The following TUB variants were observed in gnomAD, a reference collection of about 807,000 sequenced individuals.
The protein encoded by TUB is tubby protein homolog.
A neutral mutation model predicts 59.7 loss-of-function variants in TUB; 33 were observed. That is an observed-to-expected ratio of 0.55 (90% CI 0.42 to 0.74). The LOEUF is 0.74. TUB is among the 30% of genes least tolerant of loss of function. The pLI, the probability that TUB is intolerant of heterozygous loss-of-function variation, is 0.00. For missense variants in TUB, 659 were observed against 672.0 expected (o/e 0.98, Z 0.21); for synonymous variants, 293 against 256.4 (o/e 1.14, Z -1.36).
At position 8,097,255 on chromosome 11, in the gene TUB, G is replaced by T; in HGVS notation, c.715G>T (p.Ala239Ser). The T allele has an allele frequency of 6.2e-7, 1 of 1,614,166 alleles. No individual in the cohort carries two copies. The highest frequency in any genetic ancestry group is 8.5e-7 in the Non-Finnish European group (1 of 1,180,032). The change falls in exon 7 of 12, where the codon GCT becomes TCT. Residue 239 changes from alanine (A) to serine (S), a missense_variant. Coordinates refer to ENST00000299506, the MANE Select transcript of TUB (RefSeq NM_177972.3). ...GGCAGCCTCAGCCCCTAGCCCAACAGCTCCAGAGCAACCAGTGGACGTTGA... is the reference window on the plus strand; with the variant it reads ...GGCAGCCTCAGCCCCTAGCCCAACATCTCCAGAGCAACCAGTGGACGTTGA... ...REAASAPSPT[A>S]PEQPVDVEVQ... is the part of the protein sequence containing the mutation.
intron 2 of TUB, among the ~76,000 whole-genome samples, chr11:8,045,056 A>G (rs747631227): frequency 6.6e-6 from 1 of 152,088 alleles, no homozygotes; most frequent in Non-Finnish European, 1.5e-5. Context: ...TAAATCATTG[A>G]CCATTGGTGA....
chr11:8,100,589 C>G lies in TUB; in HGVS notation c.1203C>G (p.Ile401Met). Residue 401 changes from isoleucine to methionine, a missense_variant, in exon 10 of 12, where the codon ATC becomes ATG. This residue lies in a region of TUB where 226 missense variants were observed against 210.8 expected (regional missense o/e 1.07). Coordinates refer to ENST00000299506, the MANE Select transcript of TUB (RefSeq NM_177972.3). ...ACATGGTTCATGAGAGAGTCTCTAT[C>G]CGCCCCCGCAACGTGAGTGTCTACC... ...GMNMVHERVS[I>M]RPRNEHETLL... is the part of the protein sequence containing the mutation. The G allele has an allele frequency of 6.2e-7, 1 of 1,613,962 alleles. No individual in the cohort carries two copies. Among genetic ancestry groups the G allele is most frequent in the Non-Finnish European group, 8.5e-7 (1 of 1,179,936 alleles).
chr11:8,098,862 C>G lies in TUB; in HGVS notation c.1103C>G (p.Ala368Gly). 2 of 1,613,456 alleles carry G rather than the reference C, an allele frequency of 1.2e-6. No individual in the cohort carries two copies. Among genetic ancestry groups the G allele is most frequent in the Non-Finnish European group, 1.7e-6 (2 of 1,179,414 alleles). Residue 368 changes from alanine (A) to glycine (G), a missense_variant, in exon 9 of 12, where the codon GCA becomes GGA. Physicochemically the swap from Ala to Gly is moderately conservative, Grantham distance 60. Transcript: ENST00000299506. Reference sequence around the variant, plus strand: ...AGTGGAACCTTACGTCAGGAGCTGGCAGCTGTGTGCTACGTGAGTCCTAGG... The same window carrying G: ...AGTGGAACCTTACGTCAGGAGCTGGGAGCTGTGTGCTACGTGAGTCCTAGG... ...LESGTLRQEL[A>G]AVCYETNVLG...
rs1264933914 is a variant in TUB at position 8,053,649 on chromosome 11, C to T, written c.203+13957C>T. Among the ~76,000 whole-genome samples the T allele has an allele frequency of 4.0e-5, 6 of 151,582 alleles. No individual in the cohort carries two copies. The East Asian group carries it at 9.9e-4, about 25-fold the overall frequency. On this transcript the variant is annotated intron_variant, in intron 2 of 12. Transcript: ENST00000305253. ...CGGAGTAGCTGGGACTACCGGCGCC[C>T]GCCACGACGCCCGGCGAATTTTTTT...
chr11:8,086,855 T>A (rs1052494223), intron 1 of TUB, among the ~76,000 whole-genome samples: 4 of 152,176 alleles, frequency 2.6e-5, no homozygotes, highest in African/African-American at 9.7e-5. Flanking sequence ...TTCTGGAGCC[T>A]CTTCAGTAGC....
At chr11:8,080,298 C>G (rs552966608), upstream of TUB, among the ~76,000 whole-genome samples, 4 of 152,358 alleles carry the variant, frequency 2.6e-5, no homozygotes, top group East Asian at 7.7e-4. Context: ...CTGCTCCACA[C>G]GCAGGCCTTG....
rs1378409479 is a variant in TUB at position 8,081,252 on chromosome 11, G to A, written c.-259G>A. On this transcript the variant is annotated 5_prime_UTR_variant, in exon 1 of 12. Coordinates refer to ENST00000299506, the MANE Select transcript of TUB (RefSeq NM_177972.3). ...CAGAGGGGCGCGGGACGGTGCGGTC[G>A]GCCTCCCCGCCTCCACGCGCGCGCA... The A allele has an allele frequency of 6.3e-6, 3 of 474,486 alleles. No homozygotes were observed. Among genetic ancestry groups the A allele is most frequent in the Non-Finnish European group, 5.5e-6 (2 of 363,168 alleles). 29.4% of individuals were successfully genotyped at this position (474,486 alleles called of 1,614,324 possible).
chr11:8,071,483 G>A lies in TUB; in HGVS notation c.204-18127G>A, dbSNP rs1388064634. On this transcript the variant is annotated intron_variant, in intron 2 of 12. Coordinates refer to the TUB transcript ENST00000305253. ...TCTTTATGGTCATATAGGAGGCTGGGGACTTAGGCCTAAACTTGGGATTCC... is the reference window on the plus strand; with the variant it reads ...TCTTTATGGTCATATAGGAGGCTGGAGACTTAGGCCTAAACTTGGGATTCC... Among the ~76,000 whole-genome samples the A allele has an allele frequency of 2.0e-5, 3 of 152,220 alleles. No individual in the cohort carries two copies. In the East Asian group the frequency reaches 5.8e-4, roughly 29 times the overall value.
rs1370216255 is a variant in TUB at position 8,106,165 on chromosome 11, A to G, written c.*4546A>G. ...ACAAACTTGGTATTTTCCCATGTTGACATTATGTATGTTGTAGAATTTAGT... is the reference window on the plus strand; with the variant it reads ...ACAAACTTGGTATTTTCCCATGTTGGCATTATGTATGTTGTAGAATTTAGT... On this transcript the variant is annotated 3_prime_UTR_variant, in exon 12 of 12. Transcript: ENST00000299506. The G allele has an allele frequency of 6.6e-6, 1 of 151,826 alleles. No individual in the cohort carries two copies. Among genetic ancestry groups the G allele is most frequent in the African/African-American group, 2.4e-5 (1 of 41,424 alleles). 9.4% of individuals were successfully genotyped at this position (151,826 alleles called of 1,614,324 possible). A position where few individuals can be genotyped will look rare whatever the true frequency, so the allele number is the denominator to read the frequency against.
chr11:8,074,281 T>C (rs1482967405), intron 2 of TUB, among the ~76,000 whole-genome samples: 1 of 152,084 alleles, frequency 6.6e-6, no homozygotes, highest in Non-Finnish European at 1.5e-5. Context: ...ATGGAGGATG[T>C]GGCCCCTAGG....
At chr11:8,064,599 G>A (rs1943200536) in intron 2 of TUB, among the ~76,000 whole-genome samples, 1 of 152,144 alleles carries the variant, frequency 6.6e-6, no homozygotes, top group Non-Finnish European at 1.5e-5. Context: ...AGACTGTTAG[G>A]GAACTTTGAC....
intron 2 of TUB, among the ~76,000 whole-genome samples, chr11:8,062,733 C>G (rs886565478): frequency 6.6e-6 from 1 of 152,090 alleles, no homozygotes; most frequent in African/African-American, 2.4e-5. Flanking sequence ...CACAGGGACT[C>G]TAGGGCAGGG....
intron 9 of TUB, among the ~76,000 whole-genome samples, chr11:8,099,557 A>G (rs1262556309): frequency 6.6e-6 from 1 of 152,224 alleles, no homozygotes; most frequent in African/African-American, 2.4e-5. Context: ...CCAACTAAGC[A>G]TATTGTTTGA....
chr11:8,021,929 AAAAG>A (rs1352225669), intron 1 of TUB, among the ~76,000 whole-genome samples: 1 of 152,040 alleles, frequency 6.6e-6, no homozygotes, highest in African/African-American at 2.4e-5. Context: ...AAAAAAAAAA[AAAAG>A]AAAATTATTT....
chr11:8,059,014 GTA>G (rs1943071908), intron 2 of TUB, among the ~76,000 whole-genome samples: 1 of 152,154 alleles, frequency 6.6e-6, no homozygotes, highest in Admixed American at 6.5e-5. Context: ...TTAACACCCC[GTA>G]GGCCCTCCAT....
upstream of TUB, among the ~76,000 whole-genome samples, chr11:8,080,955 G>A (rs912657586): frequency 1.1e-4 from 17 of 152,232 alleles, no homozygotes; most frequent in African/African-American, 3.9e-4. Context: ...GGTACACAGG[G>A]AGGTGTTCGA....
chr11:8,101,839 AGAATAATTC>A lies in TUB; in HGVS notation c.*221_*229del. ...GCGGGTGGGTGGGTGTGAAGGGATG[AGAATAATTC>A]TTTCCATGCCACGAGATCAACACAC... On this transcript the variant is annotated 3_prime_UTR_variant, in exon 12 of 12. Transcript: ENST00000299506. 1 of 478,094 alleles carries A rather than the reference AGAATAATTC, an allele frequency of 2.1e-6. No individual in the cohort carries two copies. The highest frequency in any genetic ancestry group is 3.2e-6 in the Non-Finnish European group (1 of 315,872). 29.6% of individuals were successfully genotyped at this position (478,094 alleles called of 1,614,324 possible).
In TUB at chr11:8,096,593, C is replaced by G. The variant is rs1224303284; in HGVS notation, c.566-92C>G. Reference sequence around the variant, plus strand: ...TAAGTTTGTGGGGGTACAGGTGAGTCAGTGTCTGAACATGAGTATGTGACC... The same window carrying G: ...TAAGTTTGTGGGGGTACAGGTGAGTGAGTGTCTGAACATGAGTATGTGACC... On this transcript the variant is annotated intron_variant, in intron 5 of 11. Coordinates refer to ENST00000299506, the MANE Select transcript of TUB (RefSeq NM_177972.3). The G allele has an allele frequency of 4.8e-6, 4 of 841,302 alleles. No homozygotes were observed. The African/African-American group carries it at 5.0e-5, about 10-fold the overall frequency. The allele number at this position is 841,302 out of a possible 1,614,324, so 52.1% of individuals were successfully genotyped here.
intron 2 of TUB, among the ~76,000 whole-genome samples, chr11:8,047,123 G>A (rs989044725): frequency 3.9e-5 from 6 of 151,956 alleles, no homozygotes; most frequent in Non-Finnish European, 8.8e-5. Context: ...CTCCAGCATC[G>A]TCTCCTCTCC....
Sources: gnomAD v4.1 joint callset for allele counts (sites outside exome capture counted in the v4.1 genomes callset) on GRCh38, gnomAD v4.1.1 for gene constraint, gnomAD v4.1.1 regional missense constraint, MANE v1.5 for transcripts, NCBI Gene and HGNC (gene_info 2026-07-23, HGNC 2026-07-21) for gene names.